The following GALNTL6 variants were observed in gnomAD, a reference collection of about 807,000 sequenced individuals.
GALNTL6 encodes polypeptide N-acetylgalactosaminyltransferase-like 6.
A neutral mutation model predicts 73.7 loss-of-function variants in GALNTL6; 46 were observed. That is an observed-to-expected ratio of 0.62 (90% CI 0.49 to 0.80). The LOEUF (loss-of-function observed/expected upper bound fraction) is 0.80. Among genes scored for constraint, GALNTL6 ranks in the 30% least tolerant of loss-of-function variants. GALNTL6 has a pLI of 0.00. For missense variants in GALNTL6, 604 were observed against 755.0 expected (o/e 0.80, Z 2.34); for synonymous variants, 259 against 263.7 (o/e 0.98, Z 0.17).
chr4:172,689,689 T>C (rs1170287817), intron 5 of GALNTL6, among the ~76,000 whole-genome samples: 1 of 152,192 alleles, frequency 6.6e-6, no homozygotes, highest in South Asian at 2.1e-4. Context: ...ACTCAACTGC[T>C]GATGCTTCTT....
chr4:173,027,195 G>A (rs1244412252), intron 12 of GALNTL6, among the ~76,000 whole-genome samples: 1 of 152,108 alleles, frequency 6.6e-6, no homozygotes, highest in African/African-American at 2.4e-5. Flanking sequence ...CGTTGGCCAG[G>A]CTGGTCTCGA....
In GALNTL6 at chr4:172,809,446, C is replaced by T; in HGVS notation, c.639C>T (p.Ile213=). 6.2e-7 allele frequency: 1 copy of T among 1,613,816 alleles called. No individual in the cohort carries two copies. The highest frequency in any genetic ancestry group is 1.1e-5 in the South Asian group (1 of 91,044). The change falls in exon 6 of 13, where the codon ATC becomes ATT. Residue 213 remains isoleucine, a synonymous_variant. Transcript: ENST00000506823. The surrounding 1 kb of genome is among the most constrained non-coding windows in gnomAD (Gnocchi z 4.4). ...GCACCAAGAAAAGAGAAGGACTCAT[C>T]CGGACCCGTCTCCTGGGGGCATCTA... ...IVRTKKREGL[I]RTRLLGASMA...
intron 2 of GALNTL6, among the ~76,000 whole-genome samples, chr4:171,965,665 AAAAAAAAGAAG>A (rs1241388319): frequency 6.6e-6 from 1 of 150,618 alleles, no homozygotes; most frequent in Non-Finnish European, 1.5e-5. Context: ...CAGAAAAAAA[AAAAAAAAGAAG>A]AAGAAGAGTC....
At chr4:172,941,468 C>T (rs1748915980) in intron 9 of GALNTL6, among the ~76,000 whole-genome samples, 2 of 152,178 alleles carry the variant, frequency 1.3e-5, no homozygotes, top group African/African-American at 4.8e-5. Context: ...ATTCACTCTC[C>T]TACCTGGAGA....
chr4:172,585,138 T>C (rs954590678), intron 5 of GALNTL6, among the ~76,000 whole-genome samples: 4 of 152,082 alleles, frequency 2.6e-5, no homozygotes, highest in Admixed American at 6.5e-5. Context: ...TGAAGTCTGG[T>C]GGAGAGGGGA....
At chr4:172,043,830 AG>A (rs1368769930) in intron 2 of GALNTL6, among the ~76,000 whole-genome samples, 1 of 152,078 alleles carries the variant, frequency 6.6e-6, no homozygotes, top group Non-Finnish European at 1.5e-5. Context: ...CATGATTACA[AG>A]CAGGCCCTTA....
chr4:171,994,297 A>G lies in GALNTL6; in HGVS notation c.138+179579A>G, dbSNP rs543516574. On this transcript the variant is annotated intron_variant, in intron 2 of 12. Coordinates refer to ENST00000506823, the MANE Select transcript of GALNTL6 (RefSeq NM_001034845.3). ...AGGCTCTGTGTGGTCTTAATTGGCA[A>G]TTAAATGAGCCAGCCTGGAAATGAC... 2.6e-4 allele frequency among the ~76,000 whole-genome samples: 40 copies of G among 152,186 alleles called. No individual in the cohort carries two copies. The Middle Eastern group carries it at 0.014, about 52-fold the overall frequency.
intron 2 of GALNTL6, among the ~76,000 whole-genome samples, chr4:172,100,948 C>G (rs1046633852): frequency 2.0e-5 from 3 of 152,038 alleles, no homozygotes; most frequent in Non-Finnish European, 4.4e-5. Flanking sequence ...AAATACATAC[C>G]CTTAAGTTAG....
At chr4:172,357,456 G>A (rs925712092) in intron 5 of GALNTL6, among the ~76,000 whole-genome samples, 4 of 152,136 alleles carry the variant, frequency 2.6e-5, no homozygotes, top group Non-Finnish European at 5.9e-5. Flanking sequence ...TTCTAGAAGA[G>A]AGAGAGGCTG....
chr4:172,845,230 A>G (rs1407709338), intron 7 of GALNTL6, among the ~76,000 whole-genome samples: 2 of 147,690 alleles, frequency 1.4e-5, no homozygotes, highest in African/African-American at 2.6e-5. Context: ...AAAAAAAAAA[A>G]AAAAGAAAAA....
At chr4:172,501,315 A>G (rs192676023) in intron 5 of GALNTL6, among the ~76,000 whole-genome samples, 72 of 152,330 alleles carry the variant, frequency 4.7e-4, no homozygotes, top group Non-Finnish European at 7.4e-4. Context: ...AACCTTATTT[A>G]GTTATCAAAT....
At chr4:173,022,109 A>AGG (rs1387479732) in intron 12 of GALNTL6, among the ~76,000 whole-genome samples, 22 of 145,500 alleles carry the variant, frequency 1.5e-4, no homozygotes, top group Non-Finnish European at 1.8e-4. Flanking sequence ...GAAGGAAGGA[A>AGG]AGAAGGAAGG....
At chr4:172,615,594 G>C (rs1048123142) in intron 5 of GALNTL6, among the ~76,000 whole-genome samples, 2 of 152,070 alleles carry the variant, frequency 1.3e-5, no homozygotes, top group East Asian at 3.9e-4. Flanking sequence ...GCTTCATTCT[G>C]TTTATTACAC....
At chr4:172,011,903 A>C (rs1579057048) in intron 2 of GALNTL6, among the ~76,000 whole-genome samples, 1 of 152,242 alleles carries the variant, frequency 6.6e-6, no homozygotes, top group East Asian at 1.9e-4. Flanking sequence ...AATTTTTCAT[A>C]GTGCAATAGG....
intron 7 of GALNTL6, among the ~76,000 whole-genome samples, chr4:172,872,061 G>A (rs970370472): frequency 6.6e-6 from 1 of 152,166 alleles, no homozygotes; most frequent in Non-Finnish European, 1.5e-5. Context: ...TCAAAGTGCT[G>A]GGATTACAGG....
rs187907573 is a variant in GALNTL6 at position 172,373,856 on chromosome 4, C to G, written c.553+25167C>G. ...CAGGATTCCTTGGATGGTAATGGAC[C>G]TTGAGGACAGTCGACCAGGACAGGA... On this transcript the variant is annotated intron_variant, in intron 5 of 12. Coordinates refer to ENST00000506823, the MANE Select transcript of GALNTL6 (RefSeq NM_001034845.3). Among the ~76,000 whole-genome samples the G allele has an allele frequency of 2.3e-3, 347 of 152,250 alleles. 2 individuals are homozygous for G. In the East Asian group the frequency reaches 0.026, roughly 11 times the overall value.
In GALNTL6 at chr4:172,332,630, T is replaced by C. The variant is rs200325052; in HGVS notation, c.387-15893T>C. Reference sequence around the variant, plus strand: ...TTTATCTGTGTTGGTGCAAATGACATGATTTTATTTTTTTCTGGCTGAAAA... The same window carrying C: ...TTTATCTGTGTTGGTGCAAATGACACGATTTTATTTTTTTCTGGCTGAAAA... On this transcript the variant is annotated intron_variant, in intron 4 of 12. Transcript: ENST00000506823. Among the ~76,000 whole-genome samples, 123 of 152,250 alleles carry C rather than the reference T, an allele frequency of 8.1e-4. 2 individuals carry two copies. The South Asian group carries it at 0.016, about 19-fold the overall frequency.
chr4:172,840,482 T>G (rs1239582584), intron 7 of GALNTL6, among the ~76,000 whole-genome samples: 1 of 152,152 alleles, frequency 6.6e-6, no homozygotes, highest in Admixed American at 6.5e-5. Flanking sequence ...TTGCTAATCC[T>G]TTCTCTGAAA....
chr4:172,090,484 C>T (rs1732172424), intron 2 of GALNTL6, among the ~76,000 whole-genome samples: 1 of 152,138 alleles, frequency 6.6e-6, no homozygotes, highest in Admixed American at 6.5e-5. Flanking sequence ...TGTTTGTCGG[C>T]TGCATAAATG....
Sources: allele counts gnomAD v4.1 joint callset (sites outside exome capture counted in the v4.1 genomes callset), GRCh38; gene constraint gnomAD v4.1.1; non-coding constraint Gnocchi (gnomAD v3.1); transcripts MANE v1.5; gene names NCBI Gene and HGNC (gene_info 2026-07-23, HGNC 2026-07-21).